The following GALNT10 variants were observed in gnomAD, a reference collection of about 807,000 sequenced individuals.
GALNT10 encodes polypeptide N-acetylgalactosaminyltransferase 10, also known as GalNAc transferase 10.
GALNT10 carries 41 observed loss-of-function variants against 75.0 expected under a neutral mutation model. The observed-to-expected ratio is 0.55, with a 90% confidence interval of 0.43 to 0.71. The LOEUF (loss-of-function observed/expected upper bound fraction) is 0.71, where lower values mean the gene tolerates loss of function less well. Among genes scored for constraint, GALNT10 ranks in the 30% least tolerant of loss-of-function variants. The probability of loss-of-function intolerance (pLI) is 0.00; values close to 1 mark genes in which losing one functional copy is unlikely to be tolerated. For synonymous variants in GALNT10, 302 were observed against 313.0 expected (o/e 0.96, Z 0.37); for missense variants, 727 against 818.5 (o/e 0.89, Z 1.36).
intron 1 of GALNT10, among the ~76,000 whole-genome samples, chr5:154,231,129 C>A (rs953193320): frequency 1.2e-4 from 19 of 152,180 alleles, no homozygotes; most frequent in African/African-American, 4.6e-4. Flanking sequence ...GTTCACAGAC[C>A]TGTTTCTGTG....
chr5:154,386,489 T>TG, intron 7 of GALNT10, 59 bp downstream of exon 7: 4 of 1,062,748 alleles, frequency 3.8e-6, no homozygotes, highest in Non-Finnish European at 4.4e-6. Context: ...CCTGTCCCAG[T>TG]AGGTGTCTCA....
chr5:154,381,688 T>C (rs1264029049), intron 6 of GALNT10, among the ~76,000 whole-genome samples: 1 of 152,236 alleles, frequency 6.6e-6, no homozygotes, highest in Admixed American at 6.5e-5. Flanking sequence ...TCCATTTCCC[T>C]ACCTTTCCTG....
chr5:154,413,073 C>G, intron 10 of GALNT10, 68 bp downstream of exon 10: 1 of 988,956 alleles, frequency 1.0e-6, no homozygotes, highest in Admixed American at 1.9e-5. Flanking sequence ...GGTGCTGACA[C>G]GGCCAGCTGG....
chr5:154,218,846 C>T (rs1450133044), intron 1 of GALNT10, among the ~76,000 whole-genome samples: 2 of 152,128 alleles, frequency 1.3e-5, no homozygotes, highest in East Asian at 1.9e-4. Flanking sequence ...TGGCTTTCCC[C>T]GAGAGTCAGT....
intron 1 of GALNT10, among the ~76,000 whole-genome samples, chr5:154,273,340 C>T (rs906340501): frequency 2.0e-5 from 3 of 152,074 alleles, no homozygotes; most frequent in Non-Finnish European, 2.9e-5. Flanking sequence ...AAACAAAGAT[C>T]GTGGAGAAAT....
chr5:154,420,368 G>A lies in GALNT10; in HGVS notation c.*3396G>A, dbSNP rs1182877875. ...GGAAAACAGCTCCTTATGTCTCTCT[G>A]TGCATCTCCATTTTCCTAGTCTCTG... On this transcript the variant is annotated 3_prime_UTR_variant, in exon 12 of 12. Transcript: ENST00000297107. 1 of 152,146 alleles carries A rather than the reference G, an allele frequency of 6.6e-6. No individual in the cohort carries two copies. Among genetic ancestry groups the A allele is most frequent in the East Asian group, 1.9e-4 (1 of 5,194 alleles). 9.4% of individuals were successfully genotyped at this position (152,146 alleles called of 1,614,324 possible).
At chr5:154,210,544 G>A (rs145225892) in intron 1 of GALNT10, among the ~76,000 whole-genome samples, 3 of 152,318 alleles carry the variant, frequency 2.0e-5, no homozygotes, top group Admixed American at 1.3e-4. Context: ...GTGTTAGTTT[G>A]TGATTATACA....
At chr5:154,371,756 C>T (rs576364605) in intron 4 of GALNT10, among the ~76,000 whole-genome samples, 2 of 152,182 alleles carry the variant, frequency 1.3e-5, no homozygotes, top group Admixed American at 1.3e-4. Context: ...CCCCATTCTC[C>T]TTGCATTGGC....
intron 1 of GALNT10, among the ~76,000 whole-genome samples, chr5:154,264,355 C>G (rs1561644515): frequency 6.6e-6 from 1 of 150,986 alleles, no homozygotes; most frequent in African/African-American, 2.4e-5. Flanking sequence ...AATGGGAAAC[C>G]TGAATATGGA....
intron 9 of GALNT10, among the ~76,000 whole-genome samples, chr5:154,410,432 G>A (rs1756375047): frequency 1.3e-5 from 2 of 151,836 alleles, no homozygotes; most frequent in African/African-American, 4.8e-5. Context: ...TGTGCCTGTA[G>A]TTGCAGCAAC....
chr5:154,357,119 A>C (rs890788721), intron 4 of GALNT10, among the ~76,000 whole-genome samples: 11 of 152,196 alleles, frequency 7.2e-5, no homozygotes, highest in African/African-American at 2.7e-4. Context: ...ACATTTGGGA[A>C]ACATTGGCTC....
At chr5:154,282,076 C>T (rs928732309) in intron 1 of GALNT10, among the ~76,000 whole-genome samples, 43 of 152,094 alleles carry the variant, frequency 2.8e-4, no homozygotes, top group African/African-American at 2.7e-4. Context: ...CTGGGAAGTC[C>T]GAGATCAAGG....
chr5:154,337,736 G>A (rs911186379), intron 4 of GALNT10: 5 of 1,251,052 alleles, frequency 4.0e-6, no homozygotes, highest in Non-Finnish European at 4.6e-6. Context: ...CACCACCATG[G>A]CTGCCACCAA....
Position 154,380,759 on chromosome 5 carries a change from G to T in GALNT10, c.938+128G>T. Reference sequence around the variant, plus strand: ...GGGTCCAGCTTCCCAGCCCCACTTAGTACCAAGTGTCAGATATCCCCAGCC... The same window carrying T: ...GGGTCCAGCTTCCCAGCCCCACTTATTACCAAGTGTCAGATATCCCCAGCC... On this transcript the variant is annotated intron_variant, in intron 6 of 11. Coordinates refer to ENST00000297107, the MANE Select transcript of GALNT10 (RefSeq NM_198321.4). The T allele has an allele frequency of 4.9e-6, 3 of 615,106 alleles. No individual in the cohort carries two copies. In the East Asian group the frequency reaches 8.5e-5, roughly 18 times the overall value. The allele number at this position is 615,106 out of a possible 1,614,324, so 38.1% of individuals were successfully genotyped here. A position where few individuals can be genotyped will look rare whatever the true frequency, so the allele number is the denominator to read the frequency against.
chr5:154,347,128 G>A, intron 4 of GALNT10: 1 of 515,676 alleles, frequency 1.9e-6, no homozygotes, highest in South Asian at 1.4e-5. Context: ...GCCAAGATCT[G>A]TTCATTTATG....
chr5:154,322,099 G>A (rs1258550698), intron 3 of GALNT10, among the ~76,000 whole-genome samples: 1 of 152,112 alleles, frequency 6.6e-6, no homozygotes, highest in South Asian at 2.1e-4. Context: ...ACAACATAGA[G>A]GTATTCTTAC....
intron 4 of GALNT10, among the ~76,000 whole-genome samples, chr5:154,344,717 G>A (rs1755094215): frequency 6.6e-6 from 1 of 152,196 alleles, no homozygotes; most frequent in Admixed American, 6.5e-5. Context: ...AAGAAATCAA[G>A]GCTTTCCACT....
chr5:154,415,118 C>T (rs891024191), intron 10 of GALNT10, among the ~76,000 whole-genome samples: 5 of 151,906 alleles, frequency 3.3e-5, no homozygotes, highest in African/African-American at 7.3e-5. Context: ...AGTGAAGCTC[C>T]GTCTCAAAAA....
intron 3 of GALNT10, among the ~76,000 whole-genome samples, chr5:154,311,235 C>T (rs1245677974): frequency 6.6e-6 from 1 of 152,176 alleles, no homozygotes. Flanking sequence ...TCGAGTGCTC[C>T]TATTTATTTA....
Sources: gnomAD v4.1 joint callset for allele counts (sites outside exome capture counted in the v4.1 genomes callset) on GRCh38, gnomAD v4.1.1 for gene constraint, MANE v1.5 for transcripts, NCBI Gene and HGNC (gene_info 2026-07-23, HGNC 2026-07-21) for gene names.